KLF5: variants seen among roughly 807,000 people sequenced by gnomAD.
The protein encoded by KLF5 is KLF transcription factor 5.
In KLF5, 9 loss-of-function variants were observed where a neutral mutation model predicts 36.9. The observed-to-expected ratio is 0.24, with a 90% CI of 0.15 to 0.43. KLF5 has a LOEUF of 0.43. Among genes scored for constraint, KLF5 ranks in the 20% least tolerant of loss-of-function variants. KLF5 has a pLI of 1.00. For synonymous variants in KLF5, 246 were observed against 241.7 expected (o/e 1.02, Z -0.17); for missense variants, 524 against 599.5 (o/e 0.87, Z 1.31).
chr13:73,058,404 C>T (rs2044597285), upstream of KLF5, among the ~76,000 whole-genome samples: 1 of 152,186 alleles, frequency 6.6e-6, no homozygotes, highest in South Asian at 2.1e-4. Flanking sequence ...CTGAATTTGC[C>T]TTGTTAAACG....
At chr13:73,075,621 T>C in intron 3 of KLF5, 87 bp from the exon 4 acceptor site, 1 of 1,190,684 alleles carries the variant, frequency 8.4e-7, no homozygotes. Flanking sequence ...CCAAGATTTT[T>C]TTTTTCTTTG....
chr13:73,063,968 C>T, intron 3 of KLF5, 85 bp downstream of exon 3: 3 of 664,146 alleles, frequency 4.5e-6, no homozygotes, highest in Non-Finnish European at 5.2e-6. Flanking sequence ...CGTGTTTGAT[C>T]TCTTCTCCTG....
At chr13:73,067,381 T>A (rs1435557532) in intron 3 of KLF5, among the ~76,000 whole-genome samples, 1 of 152,216 alleles carries the variant, frequency 6.6e-6, no homozygotes, top group Non-Finnish European at 1.5e-5. Flanking sequence ...TAGGAAAATA[T>A]ATTGACTGTA....
chr13:73,062,916 C>G (rs1213685835), intron 2 of KLF5, among the ~76,000 whole-genome samples, 182 bp downstream of exon 2: 2 of 147,738 alleles, frequency 1.4e-5, no homozygotes, highest in Non-Finnish European at 3.0e-5. Context: ...TCTATCCTAT[C>G]TCTGTGCTTT....
intron 3 of KLF5, among the ~76,000 whole-genome samples, chr13:73,065,770 G>T (rs2139109215): frequency 6.6e-6 from 1 of 152,060 alleles, no homozygotes; most frequent in East Asian, 1.9e-4. Context: ...ACATTTTCCT[G>T]GGTTTAAAGT....
chr13:73,072,421 C>G (rs1372310698), intron 3 of KLF5, among the ~76,000 whole-genome samples: 1 of 152,204 alleles, frequency 6.6e-6, no homozygotes, highest in Non-Finnish European at 1.5e-5. Context: ...CCAGGTTGTG[C>G]TCTCTGTTTC....
intron 3 of KLF5, among the ~76,000 whole-genome samples, chr13:73,071,047 A>G (rs1341417850): frequency 1.3e-5 from 2 of 152,222 alleles, no homozygotes; most frequent in Non-Finnish European, 2.9e-5. Flanking sequence ...GCATTACAGC[A>G]GGAATAGAAG....
At chr13:73,067,094 G>A (rs2044685828) in intron 3 of KLF5, among the ~76,000 whole-genome samples, 1 of 152,134 alleles carries the variant, frequency 6.6e-6, no homozygotes, top group Admixed American at 6.6e-5. Context: ...AATGAGTGGT[G>A]TATTTCCAAT....
rs1594400761 is a variant in KLF5, at chr13:73,076,650, T to C, written c.*764T>C. On this transcript the variant is annotated 3_prime_UTR_variant, in exon 4 of 4. Transcript: ENST00000377687. ...AGCAAATTTCATGCACTGATTAAAA[T>C]AGGATTATTTTAAATACAAAAGGCA... The C allele has an allele frequency of 6.6e-6, 1 of 152,184 alleles. No homozygotes were observed. The highest frequency in any genetic ancestry group is 1.5e-5 in the Non-Finnish European group (1 of 68,020). 9.4% of individuals were successfully genotyped at this position (152,184 alleles called of 1,614,324 possible).
rs1401071540 is a variant in KLF5, at chr13:73,059,476, A to G, written c.149A>G (p.Glu50Gly). Residue 50 changes from glutamate to glycine, a missense_variant, in exon 1 of 4, where the codon GAG (glutamate) becomes GGG (glycine). Glu to Gly is a moderately conservative substitution (Grantham distance 98). Around this residue, in one of 4 missense-constraint regions of KLF5, gnomAD observed 454 missense variants for 458.1 expected, o/e 0.99. Coordinates refer to ENST00000377687, the MANE Select transcript of KLF5 (RefSeq NM_001730.5). ...ARDAALFPGE[E>G]LKHAHHRPQA... Reference sequence around the variant, plus strand: ...GACGCGGCGCTCTTCCCCGGCGAGGAGCTGAAGCACGCGCACCACCGCCCG... The same window carrying G: ...GACGCGGCGCTCTTCCCCGGCGAGGGGCTGAAGCACGCGCACCACCGCCCG... 37 of 1,258,636 alleles carry G rather than the reference A, an allele frequency of 2.9e-5. No homozygotes were observed. The highest frequency in any genetic ancestry group is 3.6e-5 in the Non-Finnish European group (36 of 1,003,244). 78.0% of individuals were successfully genotyped at this position (1,258,636 alleles called of 1,614,324 possible). A position where few individuals can be genotyped will look rare whatever the true frequency, so the allele number is the denominator to read the frequency against.
Position 73,062,680 on chromosome 13 carries a change from A to G in KLF5, c.1081A>G (p.Arg361Gly), listed in dbSNP as rs779359489. The part of the protein sequence containing the change: ...SQNIQPVRYN[R>G]RSNPDLEKRR... ...AAACATCCAACCTGTCAGATACAATAGAAGGAGTAACCCCGATTTGGAGAA... is the reference window on the plus strand; with the variant it reads ...AAACATCCAACCTGTCAGATACAATGGAAGGAGTAACCCCGATTTGGAGAA... Residue 361 changes from arginine (R) to glycine (G), a missense_variant, in exon 2 of 4, where the codon AGA becomes GGA. Arg to Gly is a moderately radical substitution (Grantham distance 125). This residue lies in a region of KLF5 where 46 missense variants were observed against 105.8 expected (regional missense o/e 0.43). Transcript: ENST00000377687. 2 of 1,614,178 alleles carry G rather than the reference A, an allele frequency of 1.2e-6. No homozygotes were observed. Among genetic ancestry groups the G allele is most frequent in the Non-Finnish European group, 1.7e-6 (2 of 1,180,020 alleles).
chr13:73,059,756 C>A (rs9592878), intron 1 of KLF5, 168 bp downstream of exon 1: 193,345 of 599,900 alleles, frequency 0.32, 28,952 homozygotes, highest in Non-Finnish European at 0.34. Context: ...CGGGGCCCCG[C>A]GTTTCGCTGA....
chr13:73,059,958 C>T (rs1050015392), intron 1 of KLF5: 1 of 225,364 alleles, frequency 4.4e-6, no homozygotes, highest in Non-Finnish European at 7.4e-6. Flanking sequence ...CTGTACCGCT[C>T]TCCAATGCCA....
intron 1 of KLF5, 63 bp downstream of exon 1, chr13:73,059,651 G>A (rs1254295893): frequency 1.5e-5 from 17 of 1,103,692 alleles, no homozygotes; most frequent in Non-Finnish European, 1.7e-5. Flanking sequence ...CCGTTGCTGC[G>A]ACTCGCGGGC....
chr13:73,076,981 TAATC>T lies in KLF5; in HGVS notation c.*1096_*1099del, dbSNP rs887981424. 1.3e-5 allele frequency: 2 copies of T among 152,678 alleles called. No individual in the cohort carries two copies. Among genetic ancestry groups the T allele is most frequent in the South Asian group, 2.1e-4 (1 of 4,828 alleles). 9.5% of individuals were successfully genotyped at this position (152,678 alleles called of 1,614,324 possible). ...TATCTAAATTACAGTGCAGTTTAGT[TAATC>T]TATTAATACTGACTCAGTGTCTGCC... On this transcript the variant is annotated 3_prime_UTR_variant, in exon 4 of 4. Transcript: ENST00000377687.
At chr13:73,072,466 A>G (rs988748576) in intron 3 of KLF5, among the ~76,000 whole-genome samples, 2 of 152,238 alleles carry the variant, frequency 1.3e-5, no homozygotes, top group Non-Finnish European at 2.9e-5. Context: ...CTGTGAGTCC[A>G]TTAAGCCATT....
intron 1 of KLF5, among the ~76,000 whole-genome samples, chr13:73,061,359 T>C (rs2044633472): frequency 6.6e-6 from 1 of 152,218 alleles, no homozygotes; most frequent in African/African-American, 2.4e-5. Context: ...ACTTTTGAAG[T>C]ATCTAGTCAA....
In KLF5 at chr13:73,077,329, T is replaced by C. The variant is rs2044771254; in HGVS notation, c.*1443T>C. 1 of 152,650 alleles carries C rather than the reference T, an allele frequency of 6.6e-6. No homozygotes were observed. The highest frequency in any genetic ancestry group is 2.1e-4 in the South Asian group (1 of 4,834). 9.5% of individuals were successfully genotyped at this position (152,650 alleles called of 1,614,324 possible). ...GATGTAAATAATTTTGTAAGAGGCT[T>C]CAAAATGTTTATACGTGGAAACACA... On this transcript the variant is annotated 3_prime_UTR_variant, in exon 4 of 4. Transcript: ENST00000377687.
In KLF5 at chr13:73,062,254, C is replaced by A. The variant is rs115503899; in HGVS notation, c.655C>A (p.Leu219Ile). Residue 219 changes from leucine (L) to isoleucine (I), a missense_variant, in exon 2 of 4, where the codon CTT becomes ATT. Leu to Ile is a conservative substitution (Grantham distance 5). Transcript: ENST00000377687. ...AGAACTTCCTACACCAGATCTTCAT[C>A]TTTCTGTCCCTACCCAGCAGGGCCA... ...KQELPTPDLH[L>I]SVPTQQGHLY... 6.0e-4 allele frequency: 962 copies of A among 1,614,142 alleles called. 7 individuals are homozygous for A. The African/African-American group carries it at 0.011, about 19-fold the overall frequency.
Sources: allele counts gnomAD v4.1 joint callset (sites outside exome capture counted in the v4.1 genomes callset), GRCh38; gene constraint gnomAD v4.1.1; regional missense constraint gnomAD v4.1.1; transcripts MANE v1.5; gene names NCBI Gene and HGNC (gene_info 2026-07-23, HGNC 2026-07-21).